TYW1: variants seen among roughly 807,000 people sequenced by gnomAD.
TYW1 encodes the protein S-adenosyl-L-methionine-dependent tRNA 4-demethylwyosine synthase TYW1.
A neutral mutation model predicts 96.2 loss-of-function variants in TYW1; 46 were observed. That is an observed-to-expected ratio of 0.48 (90% CI 0.38 to 0.61). The LOEUF is 0.61. TYW1 is among the 20% of genes least tolerant of loss of function. The pLI is 0.00. For missense variants in TYW1, 684 were observed against 909.6 expected, an observed-to-expected ratio of 0.75 and a Z score of 3.19; for synonymous variants, 274 against 323.0, an observed-to-expected ratio of 0.85 and a Z score of 1.63.
intron 11 of TYW1, among the ~76,000 whole-genome samples, chr7:67,093,062 G>C (rs1421808403): frequency 6.6e-6 from 1 of 152,134 alleles, no homozygotes; most frequent in East Asian, 1.9e-4. Context: ...AGCACCTGAG[G>C]AGGCAGAGGT....
chr7:67,207,982 A>T (rs910509759), intron 15 of TYW1, among the ~76,000 whole-genome samples: 9 of 152,116 alleles, frequency 5.9e-5, no homozygotes, highest in African/African-American at 1.2e-4. Flanking sequence ...CGGCCTCACA[A>T]AGTGCTGGAA....
At chr7:67,212,328 ATT>A (rs34086794) in intron 15 of TYW1, among the ~76,000 whole-genome samples, 15,036 of 142,062 alleles carry the variant, frequency 0.11, 787 homozygotes, top group Middle Eastern at 0.16. Flanking sequence ...TTGATAGCTC[ATT>A]TTTTTTTTTT....
At chr7:67,095,949 A>AGAT (rs879478548) in intron 11 of TYW1, among the ~76,000 whole-genome samples, 21 of 152,172 alleles carry the variant, frequency 1.4e-4, no homozygotes, top group Middle Eastern at 3.2e-3. Flanking sequence ...ATAAATGAGG[A>AGAT]TAAAGGTGGT....
intron 10 of TYW1, among the ~76,000 whole-genome samples, chr7:67,074,708 C>T (rs533612394): frequency 1.4e-4 from 21 of 152,178 alleles, no homozygotes; most frequent in Non-Finnish European, 2.5e-4. Context: ...CCTTTTCTTG[C>T]AGTGGATTCT....
intron 3 of TYW1, among the ~76,000 whole-genome samples, chr7:67,008,378 A>G (rs1344787280): frequency 3.9e-5 from 6 of 152,022 alleles, no homozygotes; most frequent in African/African-American, 9.7e-5. Flanking sequence ...TTCTCTCCCT[A>G]GTGTTCCCTG....
At chr7:67,028,632 CAGTT>C (rs1381292572) in intron 7 of TYW1, among the ~76,000 whole-genome samples, 3 of 152,328 alleles carry the variant, frequency 2.0e-5, no homozygotes, top group Non-Finnish European at 2.9e-5. Flanking sequence ...ATGACATACT[CAGTT>C]AGGCGAGGCT....
At chr7:67,202,056 G>A (rs1193031431) in intron 15 of TYW1, among the ~76,000 whole-genome samples, 2 of 152,184 alleles carry the variant, frequency 1.3e-5, no homozygotes, top group African/African-American at 4.8e-5. Context: ...CCATGGCCAC[G>A]AAGAAATAAT....
intron 9 of TYW1, among the ~76,000 whole-genome samples, chr7:67,059,133 T>G (rs1216905858): frequency 6.9e-6 from 1 of 144,772 alleles, no homozygotes; most frequent in East Asian, 2.2e-4. Context: ...AGGGTCTCGC[T>G]CTGTCACCCA....
rs1226129088 is a variant in TYW1 at position 67,066,294 on chromosome 7, A to G, written c.1156-991A>G. ...CCTCCTCCCAGGCTTCACTGCTTTC[A>G]CTTGTACTGAAATCAAGCTTGTCTT... On this transcript the variant is annotated intron_variant, in intron 9 of 15. Coordinates refer to ENST00000359626, the MANE Select transcript of TYW1 (RefSeq NM_018264.4). 2.6e-5 allele frequency among the ~76,000 whole-genome samples: 4 copies of G among 151,966 alleles called. No individual in the cohort carries two copies. In the South Asian group the frequency reaches 8.3e-4, roughly 32 times the overall value.
At chr7:67,114,359 C>G (rs986238301) in intron 12 of TYW1, 4 of 153,542 alleles carry the variant, frequency 2.6e-5, no homozygotes, top group Non-Finnish European at 4.4e-5. Context: ...ACCTTCTGAG[C>G]CTTGGAAGGT....
intron 14 of TYW1, among the ~76,000 whole-genome samples, chr7:67,189,606 A>G (rs1296741473): frequency 3.3e-5 from 5 of 152,148 alleles, no homozygotes; most frequent in African/African-American, 7.2e-5. Context: ...CAGGTTATTC[A>G]TCCTCCTTGA....
chr7:67,159,043 A>T (rs1269717707), intron 13 of TYW1, among the ~76,000 whole-genome samples: 1 of 151,940 alleles, frequency 6.6e-6, no homozygotes, highest in African/African-American at 2.4e-5. Flanking sequence ...TGACTTTTAT[A>T]ATTTATTTTC....
intron 5 of TYW1, among the ~76,000 whole-genome samples, chr7:67,014,833 AT>A (rs1423887825): frequency 8.0e-5 from 12 of 149,550 alleles, no homozygotes; most frequent in African/African-American, 3.0e-4. Flanking sequence ...GGTTCAAGTG[AT>A]TTCTCCTGCC....
chr7:67,009,503 A>G (rs1434717446), intron 3 of TYW1, 80 bp from the exon 4 acceptor site: 3 of 1,274,216 alleles, frequency 2.4e-6, no homozygotes, highest in Non-Finnish European at 3.3e-6. Context: ...GGAATGCCAC[A>G]TTCTTGTGCC....
At chr7:67,166,323 A>ATCATATATT (rs1449750874) in intron 13 of TYW1, among the ~76,000 whole-genome samples, 3 of 125,680 alleles carry the variant, frequency 2.4e-5, no homozygotes, top group Non-Finnish European at 3.5e-5. Flanking sequence ...TATAATATAT[A>ATCATATATT]ACATATATAA....
rs1364101315 is a variant in TYW1 at position 67,181,167 on chromosome 7, C to CT, written c.1699-1958dup. 2.6e-5 allele frequency among the ~76,000 whole-genome samples: 4 copies of CT among 152,286 alleles called. No individual in the cohort carries two copies. The East Asian group carries it at 7.7e-4, about 29-fold the overall frequency. ...CATGTGGTTTTTCTGTGTTGAACTACTAGTATAATGAATTGTATTACTGTA... is the reference window on the plus strand; with the variant it reads ...CATGTGGTTTTTCTGTGTTGAACTACTTAGTATAATGAATTGTATTACTGTA... On this transcript the variant is annotated intron_variant, in intron 13 of 15. Transcript: ENST00000359626.
chr7:67,214,883 T>A (rs1299727512), intron 15 of TYW1, among the ~76,000 whole-genome samples: 1 of 151,758 alleles, frequency 6.6e-6, no homozygotes, highest in Non-Finnish European at 1.5e-5. Flanking sequence ...ATTCTTTTGA[T>A]ACATTGTTAG....
chr7:67,206,170 A>C (rs1202312362), intron 15 of TYW1, among the ~76,000 whole-genome samples: 2 of 152,088 alleles, frequency 1.3e-5, no homozygotes, highest in African/African-American at 4.8e-5. Context: ...CATTTTCTTT[A>C]TTTAATTGAA....
intron 12 of TYW1, among the ~76,000 whole-genome samples, chr7:67,100,500 T>G (rs546998660): frequency 1.3e-5 from 2 of 152,080 alleles, no homozygotes; most frequent in African/African-American, 4.8e-5. Flanking sequence ...AAAAAAGATC[T>G]TTTTGAATTC....
Sources: gnomAD v4.1 joint callset for allele counts (sites outside exome capture counted in the v4.1 genomes callset) on GRCh38, gnomAD v4.1.1 for gene constraint, MANE v1.5 for transcripts, NCBI Gene and HGNC (gene_info 2026-07-23, HGNC 2026-07-21) for gene names.